The following NEK4 variants were observed in gnomAD, a reference collection of about 807,000 sequenced individuals.
NEK4 encodes NIMA related kinase 4.
NEK4 carries 86 observed loss-of-function variants against 98.4 expected under a neutral mutation model. The observed-to-expected ratio is 0.87, with a 90% CI of 0.73 to 1.05. The LOEUF (loss-of-function observed/expected upper bound fraction) is 1.05, where lower values mean the gene tolerates loss of function less well. Among genes scored for constraint, NEK4 ranks in the 50% least tolerant of loss-of-function variants. NEK4 has a pLI of 0.00. For missense variants in NEK4, 898 were observed against 950.3 expected, an observed-to-expected ratio of 0.94 and a Z score of 0.72; for synonymous variants, 328 against 342.2, an observed-to-expected ratio of 0.96 and a Z score of 0.46.
At chr3:52,730,126 A>C (rs1323569748) in intron 15 of NEK4, among the ~76,000 whole-genome samples, 4 of 152,190 alleles carry the variant, frequency 2.6e-5, no homozygotes, top group Admixed American at 6.6e-5. Context: ...TAAATAAAAT[A>C]AAAAAGAATT....
Position 52,753,374 on chromosome 3 carries a change from T to C in NEK4, c.964-1038A>G, listed in dbSNP as rs530461180. 2.0e-5 allele frequency among the ~76,000 whole-genome samples: 3 copies of C among 152,292 alleles called. No individual in the cohort carries two copies. The East Asian group carries it at 5.8e-4, about 29-fold the overall frequency. ...GCAGGACTGGCACTGTGGCCAGAGA[T>C]GCCGCTGGGCCACAAAGGTGATAGG... On this transcript the variant is annotated intron_variant, in intron 6 of 15. Transcript: ENST00000233027.
At chr3:52,765,351 C>CAA (rs1264958886) in intron 4 of NEK4, among the ~76,000 whole-genome samples, 4 of 59,226 alleles carry the variant, frequency 6.8e-5, no homozygotes, top group Admixed American at 1.9e-4. Flanking sequence ...AACTCCATCT[C>CAA]AAAAAAAAAA....
intron 11 of NEK4, 131 bp downstream of exon 11, chr3:52,744,108 T>C (rs1578661346): frequency 1.4e-6 from 1 of 722,682 alleles, no homozygotes; most frequent in Non-Finnish European, 2.5e-6. Flanking sequence ...TTCAAAATCT[T>C]TTCCAACTCG....
At chr3:52,766,153 G>A in intron 3 of NEK4, 25 bp downstream of exon 3, 1 of 1,599,808 alleles carries the variant, frequency 6.3e-7, no homozygotes, top group Non-Finnish European at 8.6e-7. Flanking sequence ...GACAAGGTAA[G>A]CCAGCATACA....
chr3:52,721,218 G>GA (rs1172631074), intron 15 of NEK4, among the ~76,000 whole-genome samples: 1 of 152,166 alleles, frequency 6.6e-6, no homozygotes, highest in African/African-American at 2.4e-5. Context: ...AAGTATCAGG[G>GA]ATCTCTGTAC....
chr3:52,739,515 A>T lies in NEK4; in HGVS notation c.2213T>A (p.Leu738His). ...CAGTGTGTCCCGATATTTCCGATGA[A>T]GTTTGAATTCTGACACTGGGTTTGC... Reference protein sequence around the residue: ...PVANPVSEFKLHRKYRDTLIL... With the variant: ...PVANPVSEFKHHRKYRDTLIL... The change falls in exon 14 of 16, where the codon CTT (leucine) becomes CAT (histidine). Residue 738 changes from leucine (L) to histidine (H), a missense_variant. Physicochemically the swap from Leu to His is moderately conservative, Grantham distance 99. Transcript: ENST00000233027. The T allele has an allele frequency of 6.2e-7, 1 of 1,614,170 alleles. No homozygotes were observed. The highest frequency in any genetic ancestry group is 1.3e-5 in the African/African-American group (1 of 75,038).
chr3:52,754,671 G>T, intron 6 of NEK4: 3 of 617,082 alleles, frequency 4.9e-6, no homozygotes, highest in South Asian at 1.4e-5. Context: ...TTTCAGTAAA[G>T]AAGAGAAAAC....
In NEK4 at chr3:52,744,991, C is replaced by T. The variant is rs57991664; in HGVS notation, c.1828-686G>A. On this transcript the variant is annotated intron_variant, in intron 10 of 15. Coordinates refer to ENST00000233027, the MANE Select transcript of NEK4 (RefSeq NM_003157.6). ...AGTGCAGTGGCCCTATCTCAGCTCA[C>T]TGCAAGCTCTGCCTCCCAGGTACAC... Among the ~76,000 whole-genome samples, 3 of 151,852 alleles carry T rather than the reference C, an allele frequency of 2.0e-5. No individual in the cohort carries two copies. In the East Asian group the frequency reaches 6.0e-4, roughly 30 times the overall value.
Position 52,766,183 on chromosome 3 carries a change from A to G in NEK4, c.553T>C (p.Tyr185His). The G allele has an allele frequency of 6.2e-7, 1 of 1,613,354 alleles. No individual in the cohort carries two copies. Among genetic ancestry groups the G allele is most frequent in the Non-Finnish European group, 8.5e-7 (1 of 1,179,300 alleles). Residue 185 changes from tyrosine to histidine, a missense_variant, in exon 3 of 16, where the codon TAT becomes CAT. Transcript: ENST00000233027. ...PELFSNKPYNYKSDVWALGCC... is the reference protein window; with the variant it reads ...PELFSNKPYNHKSDVWALGCC... ...CATACAGAGCCCAATCCTACCTTAT[A>G]GTTGTAGGGTTTGTTTGAGAACAAT...
rs1328432631 is a variant in NEK4, at chr3:52,770,878, G to T, written c.-132C>A. The T allele has an allele frequency of 2.6e-6, 2 of 759,058 alleles. No individual in the cohort carries two copies. The highest frequency in any genetic ancestry group is 4.3e-6 in the Non-Finnish European group (2 of 462,720). 47.0% of individuals were successfully genotyped at this position (759,058 alleles called of 1,614,324 possible). ...TGTTGAGGCAGCCGGGCCCGGGCGGGATTGCTGGGGCCCGGCCCGCGACGA... is the reference window on the plus strand; with the variant it reads ...TGTTGAGGCAGCCGGGCCCGGGCGGTATTGCTGGGGCCCGGCCCGCGACGA... On this transcript the variant is annotated 5_prime_UTR_variant, in exon 1 of 16. Transcript: ENST00000233027.
chr3:52,746,269 C>A (rs775043645), intron 9 of NEK4, 59 bp from the exon 10 acceptor site: 24 of 1,499,570 alleles, frequency 1.6e-5, no homozygotes, highest in Non-Finnish European at 2.0e-5. Context: ...CAATGTTCCC[C>A]TATCAGCAGG....
At chr3:52,770,606 C>T in intron 1 of NEK4, 48 bp downstream of exon 1, 4 of 1,449,782 alleles carry the variant, frequency 2.8e-6, no homozygotes, top group Non-Finnish European at 3.8e-6. Context: ...GCGCCCTCGG[C>T]GCACTTCTGC....
At chr3:52,740,865 A>G (rs746471093) in intron 13 of NEK4, among the ~76,000 whole-genome samples, 8 of 152,076 alleles carry the variant, frequency 5.3e-5, no homozygotes, top group East Asian at 1.9e-4. Context: ...GCTGTGGCAC[A>G]TATTTAAGGA....
chr3:52,714,934 A>T (rs574633210), intron 15 of NEK4, among the ~76,000 whole-genome samples: 1 of 152,322 alleles, frequency 6.6e-6, no homozygotes, highest in African/African-American at 2.4e-5. Context: ...TTTGGGCTCT[A>T]ACAAGCGCAG....
intron 15 of NEK4, among the ~76,000 whole-genome samples, chr3:52,731,506 C>T (rs1008657653): frequency 4.6e-5 from 7 of 152,158 alleles, no homozygotes; most frequent in African/African-American, 7.2e-5. Flanking sequence ...CAGAAATAAG[C>T]CCATGTGTCT....
intron 4 of NEK4, among the ~76,000 whole-genome samples, chr3:52,763,965 T>C (rs988815530): frequency 5.9e-5 from 9 of 152,350 alleles, no homozygotes; most frequent in Non-Finnish European, 1.2e-4. Context: ...AGGGGATTTG[T>C]GGAATAAATT....
In NEK4 at chr3:52,709,566, T is replaced by TG. The variant is rs2097348333; in HGVS notation, c.*2210dup. 1 of 151,624 alleles carries TG rather than the reference T, an allele frequency of 6.6e-6. No homozygotes were observed. The highest frequency in any genetic ancestry group is 2.4e-5 in the African/African-American group (1 of 41,218). The allele number at this position is 151,624 out of a possible 1,614,324, so 9.4% of individuals were successfully genotyped here. On this transcript the variant is annotated 3_prime_UTR_variant, in exon 16 of 16. Coordinates refer to ENST00000233027, the MANE Select transcript of NEK4 (RefSeq NM_003157.6). ...AATTTTAAAAATTAGCCAGGTGTGG[T>TG]GGTGCATGCCTGTGGTCCTAGCTAC... is the stretch of plus-strand genomic sequence containing the variant.
intron 15 of NEK4, among the ~76,000 whole-genome samples, chr3:52,734,156 G>A (rs182464940): frequency 2.6e-5 from 4 of 152,116 alleles, no homozygotes; most frequent in East Asian, 1.9e-4. Flanking sequence ...TCAAGAGATC[G>A]AGACCACAGG....
chr3:52,730,895 G>T (rs950575905), intron 15 of NEK4, among the ~76,000 whole-genome samples: 1 of 152,136 alleles, frequency 6.6e-6, no homozygotes, highest in Non-Finnish European at 1.5e-5. Flanking sequence ...AGGAAATGGG[G>T]AACTATTGTT....
Sources: gnomAD v4.1 joint callset for allele counts (sites outside exome capture counted in the v4.1 genomes callset) on GRCh38, gnomAD v4.1.1 for gene constraint, MANE v1.5 for transcripts, NCBI Gene and HGNC (gene_info 2026-07-23, HGNC 2026-07-21) for gene names.